The following PGM2 variants were observed in gnomAD, a reference collection of about 807,000 sequenced individuals.
PGM2 encodes the protein phosphoglucomutase 2.
Under a neutral mutation model 74.6 loss-of-function variants are expected in PGM2, and 57 were observed. That is an observed-to-expected ratio of 0.76 (90% CI 0.62 to 0.95). The LOEUF (loss-of-function observed/expected upper bound fraction) is 0.95. PGM2 is among the 40% of genes least tolerant of loss of function. PGM2 has a pLI of 0.00. For missense variants in PGM2, 706 were observed against 741.9 expected (o/e 0.95, Z 0.56); for synonymous variants, 273 against 260.7 (o/e 1.05, Z -0.46).
chr4:37,827,551 CGTTGTGACTCATATTT>C (rs539939846), intron 1 of PGM2, among the ~76,000 whole-genome samples: 310 of 152,164 alleles, frequency 2.0e-3, no homozygotes, highest in African/African-American at 6.8e-3. Context: ...TTGTTTCTCC[CGTTGTGACTCATATTT>C]TGTGCCTGAA....
chr4:37,848,490 T>C, intron 10 of PGM2, 32 bp from the exon 11 acceptor site: 1 of 1,599,048 alleles, frequency 6.3e-7, no homozygotes. Context: ...CACAGTATTG[T>C]ATAGATGTAT....
At chr4:37,850,405 CTT>C in intron 12 of PGM2, 32 bp downstream of exon 12, 1 of 1,203,672 alleles carries the variant, frequency 8.3e-7, no homozygotes, top group Non-Finnish European at 1.1e-6. Flanking sequence ...CAACTAACCT[CTT>C]TTCTATTTAC....
rs1338540570 is a variant in PGM2, at chr4:37,849,542, A to G, written c.1413-642A>G. Among the ~76,000 whole-genome samples the G allele has an allele frequency of 2.7e-5, 4 of 150,110 alleles. No homozygotes were observed. In the Admixed American group the frequency reaches 2.7e-4, roughly 10 times the overall value. The stretch of plus-strand genomic sequence containing the variant: ...TTCTCCTACCTCAGCCTCCCGGGTA[A>G]CTGGGATTATAGGTGTCCCCACACC... On this transcript the variant is annotated intron_variant, in intron 11 of 13. Transcript: ENST00000381967.
chr4:37,842,555 TTTC>T (rs912112649), intron 6 of PGM2, among the ~76,000 whole-genome samples: 66 of 72,762 alleles, frequency 9.1e-4, no homozygotes, highest in Admixed American at 1.2e-3. Flanking sequence ...CTTTCTTTTT[TTTC>T]TTTTTTGACT....
At chr4:37,832,037 A>G (rs895074316) in intron 2 of PGM2, among the ~76,000 whole-genome samples, 4 of 152,194 alleles carry the variant, frequency 2.6e-5, no homozygotes, top group Non-Finnish European at 4.4e-5. Context: ...ATTAAGGACT[A>G]TCTTACCCAT....
intron 6 of PGM2, among the ~76,000 whole-genome samples, chr4:37,841,658 A>T (rs894783719): frequency 6.6e-6 from 1 of 152,138 alleles, no homozygotes; most frequent in Non-Finnish European, 1.5e-5. Context: ...CCTAATTCCT[A>T]CGTGTTGGAC....
intron 2 of PGM2, 114 bp from the exon 3 acceptor site, chr4:37,834,500 CCTCT>C: frequency 1.9e-6 from 1 of 522,932 alleles, no homozygotes; most frequent in East Asian, 3.2e-5. Context: ...TGAATTTTTC[CCTCT>C]CTCCCATAGT....
Position 37,845,690 on chromosome 4 carries a change from C to T in PGM2, c.967C>T (p.Pro323Ser). 1.2e-6 allele frequency: 2 copies of T among 1,613,326 alleles called. No individual in the cohort carries two copies. The change falls in exon 8 of 14, where the codon CCG becomes TCG. Residue 323 changes from proline (P) to serine (S), a missense_variant. By Grantham distance (74) the Pro-to-Ser change is moderately conservative. This residue lies in a region of PGM2 where 359 missense variants were observed against 371.1 expected (regional missense o/e 0.97). Transcript: ENST00000381967. Reference protein sequence around the residue: ...TKARIVLANDPDADRLAVAEK... With the variant: ...TKARIVLANDSDADRLAVAEK... ...GGCCAGAATTGTTTTAGCTAACGAC[C>T]CGGATGCTGATAGACTTGCTGTGGC...
At chr4:37,837,195 G>T (rs537128951) in intron 3 of PGM2, among the ~76,000 whole-genome samples, 2 of 152,292 alleles carry the variant, frequency 1.3e-5, no homozygotes, top group African/African-American at 2.4e-5. Context: ...GTGCAGACTT[G>T]CCCTGGCTGA....
Position 37,862,007 on chromosome 4 carries a change from A to G in PGM2, c.*395A>G, listed in dbSNP as rs1361130819. On this transcript the variant is annotated 3_prime_UTR_variant, in exon 14 of 14. Coordinates refer to ENST00000381967, the MANE Select transcript of PGM2 (RefSeq NM_018290.4). Reference sequence around the variant, plus strand: ...TGGAGTTAGTAAATTCTGGGCTGTCATATGTAGGATAGCCACTTTTTAGGT... The same window carrying G: ...TGGAGTTAGTAAATTCTGGGCTGTCGTATGTAGGATAGCCACTTTTTAGGT... 1.2e-5 allele frequency: 2 copies of G among 160,876 alleles called. No individual in the cohort carries two copies. Among genetic ancestry groups the G allele is most frequent in the African/African-American group, 2.4e-5 (1 of 41,838 alleles). The allele number at this position is 160,876 out of a possible 1,614,324, so 10.0% of individuals were successfully genotyped here. A position where few individuals can be genotyped will look rare whatever the true frequency, so the allele number is the denominator to read the frequency against.
chr4:37,829,931 G>C (rs1725395304), intron 1 of PGM2, 33 bp from the exon 2 acceptor site: 3 of 1,424,132 alleles, frequency 2.1e-6, no homozygotes, highest in Middle Eastern at 1.8e-4. Flanking sequence ...TCATTCACTT[G>C]TCTGGCTGTG....
chr4:37,858,794 T>C (rs1036973022), intron 13 of PGM2, among the ~76,000 whole-genome samples: 2 of 152,190 alleles, frequency 1.3e-5, no homozygotes, highest in Non-Finnish European at 2.9e-5. Flanking sequence ...AAGTATGTGC[T>C]GCTTTAAAAA....
chr4:37,845,823 A>G (rs1318019173), intron 8 of PGM2, 93 bp downstream of exon 8: 2 of 818,896 alleles, frequency 2.4e-6, no homozygotes, highest in Non-Finnish European at 4.2e-6. Flanking sequence ...ACCTATTTGG[A>G]AACATTTCCC....
At chr4:37,858,027 C>T (rs1711588498) in intron 13 of PGM2, among the ~76,000 whole-genome samples, 1 of 152,072 alleles carries the variant, frequency 6.6e-6, no homozygotes, top group Non-Finnish European at 1.5e-5. Flanking sequence ...CTTTCCTTTT[C>T]ATTATCTGAT....
chr4:37,830,433 A>G (rs558368152), intron 2 of PGM2, among the ~76,000 whole-genome samples: 1 of 152,228 alleles, frequency 6.6e-6, no homozygotes, highest in African/African-American at 2.4e-5. Context: ...TGGAGCTTTC[A>G]TTCCAGTATA....
chr4:37,847,022 A>G lies in PGM2; in HGVS notation c.1099A>G (p.Ser367Gly), dbSNP rs1560417731. ...TSWKEKNQDR[S>G]ALKDTYMLSS... ...TTGGAAAGAGAAGAACCAGGATCGC[A>G]GTGCTCTCAAAGACACGTACATGTT... The change falls in exon 9 of 14, where the codon AGT becomes GGT. Residue 367 changes from serine (S) to glycine (G), a missense_variant. Physicochemically the swap from Ser to Gly is moderately conservative, Grantham distance 56. Coordinates refer to ENST00000381967, the MANE Select transcript of PGM2 (RefSeq NM_018290.4). 1 of 1,613,644 alleles carries G rather than the reference A, an allele frequency of 6.2e-7. No homozygotes were observed. Among genetic ancestry groups the G allele is most frequent in the East Asian group, 2.2e-5 (1 of 44,892 alleles).
chr4:37,846,192 C>G (rs148559905), intron 8 of PGM2, among the ~76,000 whole-genome samples: 63 of 152,192 alleles, frequency 4.1e-4, no homozygotes, highest in African/African-American at 1.4e-3. Flanking sequence ...TAAGACAAGT[C>G]TGACCAGAGA....
chr4:37,842,347 T>C (rs1725754085), intron 6 of PGM2, among the ~76,000 whole-genome samples: 1 of 151,348 alleles, frequency 6.6e-6, no homozygotes, highest in East Asian at 1.9e-4. Flanking sequence ...TAGGAAGACA[T>C]GCTCTATAGC....
chr4:37,846,161 G>A (rs563090530), intron 8 of PGM2, among the ~76,000 whole-genome samples: 1 of 152,150 alleles, frequency 6.6e-6, no homozygotes, highest in Non-Finnish European at 1.5e-5. Flanking sequence ...AGGAATTCCT[G>A]TGGGGTATCG....
Sources: gnomAD v4.1 joint callset for allele counts (sites outside exome capture counted in the v4.1 genomes callset) on GRCh38, gnomAD v4.1.1 for gene constraint, gnomAD v4.1.1 regional missense constraint, MANE v1.5 for transcripts, NCBI Gene and HGNC (gene_info 2026-07-23, HGNC 2026-07-21) for gene names.